The following NXPH4 variants were observed in gnomAD, a reference collection of about 807,000 sequenced individuals.
NXPH4 encodes neurexophilin-4.
NXPH4 carries 8 observed loss-of-function variants against 21.3 expected under a neutral mutation model. That is an observed-to-expected ratio of 0.38 (90% confidence interval 0.22 to 0.68). The LOEUF (loss-of-function observed/expected upper bound fraction) is 0.68. NXPH4 is among the 30% of genes least tolerant of loss of function. The pLI, the probability that NXPH4 is intolerant of heterozygous loss-of-function variation, is 0.53. For synonymous variants in NXPH4, 219 were observed against 192.6 expected, an observed-to-expected ratio of 1.14 and a Z score of -1.13; for missense variants, 418 against 416.8, an observed-to-expected ratio of 1.00 and a Z score of -0.03.
At position 57,225,578 on chromosome 12, in the gene NXPH4, C is replaced by T; in HGVS notation, c.758C>T (p.Pro253Leu). The T allele has an allele frequency of 1.9e-6, 3 of 1,613,460 alleles. No homozygotes were observed. Among genetic ancestry groups the T allele is most frequent in the Non-Finnish European group, 2.5e-6 (3 of 1,180,002 alleles). The change falls in exon 2 of 2, where the codon CCG becomes CTG. Residue 253 changes from proline to leucine, a missense_variant. By Grantham distance (98) the Pro-to-Leu change is moderately conservative. Transcript: ENST00000349394. The stretch of plus-strand genomic sequence containing the variant: ...AAGCACCGACCGTGCCTGTACGACC[C>T]GTCGCAGGTGTGCTTCACCGAGCAC... ...ARKHRPCLYD[P>L]SQVCFTEHTQ...
At chr12:57,223,604 G>T (rs1171786913) in intron 1 of NXPH4, among the ~76,000 whole-genome samples, 2 of 152,222 alleles carry the variant, frequency 1.3e-5, no homozygotes, top group African/African-American at 4.8e-5. Flanking sequence ...TGGGACCTGT[G>T]CACAGTCAGG....
intron 1 of NXPH4, among the ~76,000 whole-genome samples, chr12:57,223,818 C>A (rs1226892152): frequency 6.6e-6 from 1 of 152,260 alleles, no homozygotes; most frequent in Non-Finnish European, 1.5e-5. Flanking sequence ...TCCTGCCTCT[C>A]GATCCATCTT....
intron 1 of NXPH4, chr12:57,221,519 C>T (rs2037091686): frequency 2.7e-6 from 1 of 368,852 alleles, no homozygotes; most frequent in South Asian, 1.9e-5. Context: ...CCCCCAGCAG[C>T]AGGAGGCCAC....
chr12:57,222,947 C>T (rs1401715648), intron 1 of NXPH4, among the ~76,000 whole-genome samples: 1 of 152,142 alleles, frequency 6.6e-6, no homozygotes, highest in Non-Finnish European at 1.5e-5. Flanking sequence ...GAGATTCTAG[C>T]CCAGCAGCTT....
intron 1 of NXPH4, among the ~76,000 whole-genome samples, chr12:57,217,449 C>A (rs1316879861): frequency 6.6e-6 from 1 of 152,238 alleles, no homozygotes; most frequent in East Asian, 1.9e-4. Context: ...CTCTTCTCTG[C>A]ACTTGTCACC....
chr12:57,225,229 A>C lies in NXPH4; in HGVS notation c.409A>C (p.Ser137Arg). The change falls in exon 2 of 2, where the codon AGT (serine) becomes CGT (arginine). Residue 137 changes from serine to arginine, a missense_variant. Coordinates refer to ENST00000349394, the MANE Select transcript of NXPH4 (RefSeq NM_007224.4). ...KIVDHVNGTF[S>R]VYFRHNSSSL... ...CGTGGACCATGTGAACGGTACCTTC[A>C]GTGTGTATTTCCGCCACAACTCGTC... 6.4e-7 allele frequency: 1 copy of C among 1,568,224 alleles called. No homozygotes were observed. The highest frequency in any genetic ancestry group is 8.6e-7 in the Non-Finnish European group (1 of 1,158,200).
intron 1 of NXPH4, chr12:57,221,345 G>C (rs1172386221): frequency 8.8e-6 from 4 of 455,792 alleles, no homozygotes; most frequent in African/African-American, 8.0e-5. Context: ...CCAGATCCTG[G>C]GAGCACCCTG....
chr12:57,221,583 G>A (rs1321029599), intron 1 of NXPH4: 1 of 332,194 alleles, frequency 3.0e-6, no homozygotes, highest in East Asian at 8.1e-5. Flanking sequence ...AGCCCTCCTG[G>A]TGCAGCTCTC....
intron 1 of NXPH4, among the ~76,000 whole-genome samples, chr12:57,217,721 G>C (rs961884895): frequency 6.6e-6 from 1 of 152,196 alleles, no homozygotes; most frequent in East Asian, 1.9e-4. Context: ...TGAGGCTCTC[G>C]GGCGAAGAGC....
At chr12:57,221,107 C>A (rs1195378773) in intron 1 of NXPH4, among the ~76,000 whole-genome samples, 3 of 152,110 alleles carry the variant, frequency 2.0e-5, no homozygotes, top group Admixed American at 6.5e-5. Flanking sequence ...TACTCTATAT[C>A]TGTGCCTGCC....
chr12:57,225,009 C>T lies in NXPH4; in HGVS notation c.189C>T (p.Arg63=), dbSNP rs1393412758. 2 of 1,494,464 alleles carry T rather than the reference C, an allele frequency of 1.3e-6. No homozygotes were observed. Among genetic ancestry groups the T allele is most frequent in the South Asian group, 1.3e-5 (1 of 78,988 alleles). 92.6% of individuals were successfully genotyped at this position (1,494,464 alleles called of 1,614,324 possible). The change falls in exon 2 of 2, where the codon CGC becomes CGT. Residue 63 remains arginine, a synonymous_variant. Coordinates refer to ENST00000349394, the MANE Select transcript of NXPH4 (RefSeq NM_007224.4). ...CTTCGGACGGCCTAGGCGTGGGCCG[C>T]GCCTGGAGCTGGGCCTGGCCGACCA... is the stretch of plus-strand genomic sequence containing the variant. ...PRSSDGLGVG[R]AWSWAWPTNH...
chr12:57,225,614 A>G lies in NXPH4; in HGVS notation c.794A>G (p.Gln265Arg). The change falls in exon 2 of 2, where the codon CAG (glutamine) becomes CGG (arginine). Residue 265 changes from glutamine to arginine, a missense_variant. Gln to Arg is a conservative substitution (Grantham distance 43, BLOSUM62 1). Coordinates refer to ENST00000349394, the MANE Select transcript of NXPH4 (RefSeq NM_007224.4). ...QVCFTEHTQS[Q>R]AAWLCAKPFK... ...TGCTTCACCGAGCACACGCAGAGCCAGGCCGCCTGGCTCTGTGCCAAGCCC... is the reference window on the plus strand; with the variant it reads ...TGCTTCACCGAGCACACGCAGAGCCGGGCCGCCTGGCTCTGTGCCAAGCCC... 6.2e-7 allele frequency: 1 copy of G among 1,613,604 alleles called. No individual in the cohort carries two copies. Among genetic ancestry groups the G allele is most frequent in the Non-Finnish European group, 8.5e-7 (1 of 1,179,996 alleles).
chr12:57,220,615 C>T (rs1226695421), intron 1 of NXPH4, among the ~76,000 whole-genome samples: 1 of 152,164 alleles, frequency 6.6e-6, no homozygotes, highest in Non-Finnish European at 1.5e-5. Context: ...CCCCCTCATG[C>T]AGTGGTAGGG....
chr12:57,217,867 A>G (rs549495125), intron 1 of NXPH4, among the ~76,000 whole-genome samples: 41 of 152,338 alleles, frequency 2.7e-4, no homozygotes, highest in Admixed American at 2.4e-3. Flanking sequence ...TGTCCAGGGA[A>G]GCCAGGCTTG....
intron 1 of NXPH4, among the ~76,000 whole-genome samples, chr12:57,219,494 G>A (rs2037069479): frequency 2.0e-5 from 3 of 152,186 alleles, no homozygotes. Context: ...GGCAGGGGCG[G>A]GGCCCTGTGG....
In NXPH4 at chr12:57,224,211, C is replaced by T. The variant is rs374183517; in HGVS notation, c.58-667C>T. Among the ~76,000 whole-genome samples the T allele has an allele frequency of 7.9e-5, 12 of 152,250 alleles. No individual in the cohort carries two copies. The East Asian group carries it at 1.5e-3, about 20-fold the overall frequency. On this transcript the variant is annotated intron_variant, in intron 1 of 1. Coordinates refer to ENST00000349394, the MANE Select transcript of NXPH4 (RefSeq NM_007224.4). ...TGCGATCTAGGCTTACTGCAACCTC[C>T]ACCTACCAGGTTCAAGTGATTCTTC... is the stretch of plus-strand genomic sequence containing the variant.
Position 57,225,065 on chromosome 12 carries a change from C to T in NXPH4, c.245C>T (p.Ala82Val). Residue 82 changes from alanine to valine, a missense_variant, in exon 2 of 2, where the codon GCA (alanine) becomes GTA (valine). Ala to Val is a moderately conservative substitution (Grantham distance 64, BLOSUM62 0). Transcript: ENST00000349394. ...NHTGALARAG[A>V]AGALPAQRTK... Reference sequence around the variant, plus strand: ...ACGGGGGCGCTGGCCCGGGCAGGGGCAGCCGGGGCGTTGCCCGCGCAGCGC... The same window carrying T: ...ACGGGGGCGCTGGCCCGGGCAGGGGTAGCCGGGGCGTTGCCCGCGCAGCGC... 1.4e-6 allele frequency: 2 copies of T among 1,473,804 alleles called. No homozygotes were observed. The highest frequency in any genetic ancestry group is 1.8e-6 in the Non-Finnish European group (2 of 1,110,940). 91.3% of individuals were successfully genotyped at this position (1,473,804 alleles called of 1,614,324 possible).
chr12:57,221,756 C>T (rs114503008), intron 1 of NXPH4, among the ~76,000 whole-genome samples: 6,125 of 152,278 alleles, frequency 0.04, 361 homozygotes, highest in African/African-American at 0.13. Flanking sequence ...GGGACCCCTC[C>T]TCGGACAACA....
intron 1 of NXPH4, chr12:57,221,181 C>T (rs1322636783): frequency 5.4e-6 from 2 of 372,554 alleles, no homozygotes; most frequent in Non-Finnish European, 1.1e-5. Flanking sequence ...TCCTGTCCAC[C>T]CCACCTCTCT....
Sources: allele counts gnomAD v4.1 joint callset (sites outside exome capture counted in the v4.1 genomes callset), GRCh38; gene constraint gnomAD v4.1.1; transcripts MANE v1.5; gene names NCBI Gene and HGNC (gene_info 2026-07-23, HGNC 2026-07-21).